PSMD3: variants seen among roughly 807,000 people sequenced by gnomAD.
PSMD3 encodes the protein proteasome 26S subunit, non-ATPase 3, also known as 26S proteasome non-ATPase regulatory subunit 3.
PSMD3 carries 5 observed loss-of-function variants against 62.8 expected under a neutral mutation model. The ratio of observed to expected loss-of-function variants is 0.08; its 90% CI spans 0.04 to 0.17. PSMD3 has a LOEUF of 0.17. Among genes scored for constraint, PSMD3 ranks in the 10% least tolerant of loss-of-function variants. PSMD3 has a pLI of 1.00. For synonymous variants in PSMD3, 265 were observed against 283.9 expected, an observed-to-expected ratio of 0.93 and a Z score of 0.67; for missense variants, 524 against 713.6, an observed-to-expected ratio of 0.73 and a Z score of 3.03.
At chr17:39,994,830 G>A in intron 6 of PSMD3, 124 bp from the exon 7 acceptor site, 1 of 791,682 alleles carries the variant, frequency 1.3e-6, no homozygotes, top group South Asian at 1.6e-5. Context: ...TCCTCTCTCT[G>A]GGCCTAAACA....
intron 3 of PSMD3, 115 bp downstream of exon 3, chr17:39,986,827 C>T (rs1980537392): frequency 1.5e-6 from 2 of 1,344,260 alleles, no homozygotes; most frequent in East Asian, 2.3e-5. Context: ...AGAACTGTCC[C>T]CCACACTCTT....
chr17:39,986,271 TA>T (rs1980521867), intron 2 of PSMD3, among the ~76,000 whole-genome samples: 1 of 152,092 alleles, frequency 6.6e-6, no homozygotes, highest in Non-Finnish European at 1.5e-5. Flanking sequence ...AGTTCTTTTT[TA>T]TTTTTTGAGA....
chr17:39,982,693 CTGT>C (rs1980417275), intron 1 of PSMD3, among the ~76,000 whole-genome samples: 1 of 152,190 alleles, frequency 6.6e-6, no homozygotes, highest in Non-Finnish European at 1.5e-5. Flanking sequence ...TAAATATCAG[CTGT>C]TATTATTTAT....
chr17:39,996,568 G>A lies in PSMD3; in HGVS notation c.1476+230G>A. 1.4e-6 allele frequency: 1 copy of A among 693,326 alleles called. No individual in the cohort carries two copies. Among genetic ancestry groups the A allele is most frequent in the Admixed American group, 2.0e-5 (1 of 48,984 alleles). 42.9% of individuals were successfully genotyped at this position (693,326 alleles called of 1,614,324 possible). On this transcript the variant is annotated intron_variant, in intron 10 of 11. Coordinates refer to ENST00000264639, the MANE Select transcript of PSMD3 (RefSeq NM_002809.4). The surrounding 1 kb of genome is among the most constrained non-coding windows in gnomAD (Gnocchi z 5.1). ...TTTAAGGGATGATGTGGTCACCAGGGAGGACCAGGCAGGGATTCAGAGGGC... is the reference window on the plus strand; with the variant it reads ...TTTAAGGGATGATGTGGTCACCAGGAAGGACCAGGCAGGGATTCAGAGGGC...
intron 4 of PSMD3, 140 bp from the exon 5 acceptor site, chr17:39,989,599 C>T (rs1006831616): frequency 7.3e-6 from 6 of 818,364 alleles, no homozygotes; most frequent in African/African-American, 3.4e-5. Flanking sequence ...CTTAGGCACT[C>T]GATAGTTAAC....
Position 39,997,769 on chromosome 17 carries a change from G to T in PSMD3, c.*188G>T. 1 of 674,522 alleles carries T rather than the reference G, an allele frequency of 1.5e-6. No homozygotes were observed. The highest frequency in any genetic ancestry group is 2.7e-5 in the Admixed American group (1 of 37,634). 41.8% of individuals were successfully genotyped at this position (674,522 alleles called of 1,614,324 possible). On this transcript the variant is annotated 3_prime_UTR_variant, in exon 12 of 12. Transcript: ENST00000264639. Reference sequence around the variant, plus strand: ...GCTCCTCCCCAGCCGGTGACTTACTGTACAGCAGGCAGGAGGGTGGGCAGG... The same window carrying T: ...GCTCCTCCCCAGCCGGTGACTTACTTTACAGCAGGCAGGAGGGTGGGCAGG...
At chr17:39,994,927 A>G (rs749230725) in intron 6 of PSMD3, 27 bp from the exon 7 acceptor site, 152 of 1,602,948 alleles carry the variant, frequency 9.5e-5, no homozygotes, top group Non-Finnish European at 1.2e-4. Flanking sequence ...CTCCCTGCCC[A>G]CTGTGTTCCC....
At chr17:39,997,228 G>A in intron 10 of PSMD3, 102 bp from the exon 11 acceptor site, 1 of 1,149,124 alleles carries the variant, frequency 8.7e-7, no homozygotes, top group Non-Finnish European at 1.3e-6. Context: ...GCCGCTTCCT[G>A]CCTGGTGTCT....
intron 1 of PSMD3, among the ~76,000 whole-genome samples, chr17:39,982,450 G>GGCATA (rs1373757146): frequency 6.6e-6 from 1 of 152,202 alleles, no homozygotes; most frequent in East Asian, 1.9e-4. Flanking sequence ...TATGTATACA[G>GGCATA]TTTGTATCAA....
chr17:39,995,760 G>A lies in PSMD3; in HGVS notation c.1320+233G>A. The A allele has an allele frequency of 1.8e-6, 1 of 563,036 alleles. No homozygotes were observed. The allele number at this position is 563,036 out of a possible 1,614,324, so 34.9% of individuals were successfully genotyped here. On this transcript the variant is annotated intron_variant, in intron 9 of 11. Transcript: ENST00000264639. This position sits in a 1 kb window ranked among gnomAD's most constrained non-coding sequence, Gnocchi z 4.1. ...ACATGTTGAGTTTATGATAGTGCCTGTGAGTGTGAGAATATAAGGAGGGCA... is the reference window on the plus strand; with the variant it reads ...ACATGTTGAGTTTATGATAGTGCCTATGAGTGTGAGAATATAAGGAGGGCA...
chr17:39,990,717 C>T (rs1474391868), intron 6 of PSMD3, among the ~76,000 whole-genome samples: 5 of 152,182 alleles, frequency 3.3e-5, no homozygotes, highest in African/African-American at 9.7e-5. Flanking sequence ...CCCCAGCGCT[C>T]CTGACAGTCA....
rs1980781806 is a variant in PSMD3, at chr17:39,996,243, AAGGAG to A, written c.1383_1387del (p.Lys461AsnfsTer3). 6.2e-7 allele frequency: 1 copy of A among 1,613,910 alleles called. No individual in the cohort carries two copies. The highest frequency in any genetic ancestry group is 8.5e-7 in the Non-Finnish European group (1 of 1,180,020). On this transcript the variant is annotated frameshift_variant, in exon 10 of 12. Coordinates refer to ENST00000264639, the MANE Select transcript of PSMD3 (RefSeq NM_002809.4). LOFTEE classifies it high-confidence loss of function. The surrounding 1 kb of genome is among the most constrained non-coding windows in gnomAD (Gnocchi z 5.1). ...CCACGAGAAGGGCTATGTCCAATCC[AAGGAG>A]ATGATTGACATCTATTCCACCCGAG...
At chr17:39,992,156 A>C (rs1321498891) in intron 6 of PSMD3, among the ~76,000 whole-genome samples, 1 of 152,190 alleles carries the variant, frequency 6.6e-6, no homozygotes, top group African/African-American at 2.4e-5. Flanking sequence ...AGAGACACTA[A>C]AGTTTCTTTT....
In PSMD3 at chr17:39,997,783, A is replaced by C; in HGVS notation, c.*202A>C. The C allele has an allele frequency of 1.6e-6, 1 of 628,398 alleles. No homozygotes were observed. The highest frequency in any genetic ancestry group is 2.8e-6 in the Non-Finnish European group (1 of 362,054). The allele number at this position is 628,398 out of a possible 1,614,324, so 38.9% of individuals were successfully genotyped here. A position where few individuals can be genotyped will look rare whatever the true frequency, so the allele number is the denominator to read the frequency against. On this transcript the variant is annotated 3_prime_UTR_variant, in exon 12 of 12. Transcript: ENST00000264639. ...GGTGACTTACTGTACAGCAGGCAGG[A>C]GGGTGGGCAGGCAACCTCCCCGGGC...
chr17:39,989,646 AC>A, intron 4 of PSMD3, 92 bp from the exon 5 acceptor site: 1 of 1,254,232 alleles, frequency 8.0e-7, no homozygotes, highest in Non-Finnish European at 1.1e-6. Flanking sequence ...AATTTGTATA[AC>A]TTTTTTAAGG....
At chr17:39,989,648 T>A in intron 4 of PSMD3, 91 bp from the exon 5 acceptor site, 1 of 1,283,538 alleles carries the variant, frequency 7.8e-7, no homozygotes, top group Non-Finnish European at 1.1e-6. Flanking sequence ...TTTGTATAAC[T>A]TTTTTAAGGA....
intron 4 of PSMD3, 97 bp from the exon 5 acceptor site, chr17:39,989,642 T>A (rs1980606997): frequency 8.2e-7 from 1 of 1,212,604 alleles, no homozygotes; most frequent in Admixed American, 2.2e-5. Context: ...AAGCAATTTG[T>A]ATAACTTTTT....
At position 39,989,941 on chromosome 17, in the gene PSMD3, G is replaced by A; in HGVS notation, c.877+12G>A. On this transcript the variant is annotated intron_variant, in intron 5 of 11. Transcript: ENST00000264639. ...CCTCTACTACACAGGTGAGCAGAGG[G>A]GCCCAACCCATAAATCAGAAGGTGT... 1 of 1,605,464 alleles carries A rather than the reference G, an allele frequency of 6.2e-7. No individual in the cohort carries two copies. Among genetic ancestry groups the A allele is most frequent in the Non-Finnish European group, 8.5e-7 (1 of 1,173,082 alleles).
In PSMD3 at chr17:39,996,934, C is replaced by G; in HGVS notation, c.1477-396C>G. 2 of 400,838 alleles carry G rather than the reference C, an allele frequency of 5.0e-6. No homozygotes were observed. Among genetic ancestry groups the G allele is most frequent in the South Asian group, 4.1e-5 (2 of 49,322 alleles). The allele number at this position is 400,838 out of a possible 1,614,324, so 24.8% of individuals were successfully genotyped here. ...GCTAAGCCCTACTCCACGTGACATG[C>G]AAGGCCCTTTGTGACCTGGTCCCTT... On this transcript the variant is annotated intron_variant, in intron 10 of 11. Transcript: ENST00000264639. The surrounding 1 kb of genome is among the most constrained non-coding windows in gnomAD (Gnocchi z 5.1).
Sources: gnomAD v4.1 joint callset for allele counts (sites outside exome capture counted in the v4.1 genomes callset) on GRCh38, gnomAD v4.1.1 for gene constraint, Gnocchi (gnomAD v3.1) non-coding constraint, MANE v1.5 for transcripts, NCBI Gene and HGNC (gene_info 2026-07-23, HGNC 2026-07-21) for gene names.